AHRR: variants seen among roughly 807,000 people sequenced by gnomAD.
The protein encoded by AHRR is aryl hydrocarbon receptor repressor, also known as ahR repressor.
In AHRR, 28 loss-of-function variants were observed where a neutral mutation model predicts 44.0. The ratio of observed to expected loss-of-function variants is 0.64; its 90% confidence interval spans 0.47 to 0.87. The LOEUF is 0.87. Ranked by LOEUF, AHRR falls within the 40% of genes least tolerant of loss-of-function variation. The pLI is 0.00. For synonymous variants in AHRR, 434 were observed against 407.0 expected (o/e 1.07, Z -0.80); for missense variants, 990 against 953.9 (o/e 1.04, Z -0.50).
intron 4 of AHRR, among the ~76,000 whole-genome samples, chr5:382,434 A>G (rs1462379161): frequency 6.6e-6 from 1 of 152,200 alleles, no homozygotes; most frequent in Non-Finnish European, 1.5e-5. Context: ...AATTTGTGAT[A>G]TCAGAGTTGT....
intron 3 of AHRR, among the ~76,000 whole-genome samples, chr5:360,289 A>C (rs1325269906): frequency 6.6e-6 from 1 of 152,232 alleles, no homozygotes; most frequent in East Asian, 1.9e-4. Context: ...CCCTCACCAG[A>C]GCCAAATCAG....
chr5:340,688 ATTTTTTTTTTTTTT>A (rs539789608), intron 1 of AHRR, among the ~76,000 whole-genome samples: 1 of 12,928 alleles, frequency 7.7e-5, no homozygotes, highest in Non-Finnish European at 1.3e-4. Context: ...ATATATATAT[ATTTTTTTTTTTTTT>A]TTTTTTTTTT....
In AHRR at chr5:434,378, C is replaced by T. The variant is rs370119574; in HGVS notation, c.1638C>T (p.Asp546=). The T allele has an allele frequency of 1.9e-5, 30 of 1,613,562 alleles. 1 individual carries two copies. The highest frequency in any genetic ancestry group is 1.4e-4 in the South Asian group (13 of 91,058). ...ACTCTGGGTGTGAGGGTGCTGCAGA[C>T]GGCTGTGTGCCCAGCCAGGTGTGGC... The part of the protein sequence containing the change: ...EKDSGCEGAA[D]GCVPSQVWLG... The change falls in exon 11 of 11, where the codon GAC becomes GAT. Residue 546 remains aspartate, a synonymous_variant. Transcript: ENST00000684583.
chr5:370,636 G>T lies in AHRR; in HGVS notation c.245-5974G>T, dbSNP rs1379672421. Reference sequence around the variant, plus strand: ...GACAGGGGTGGGGTGGACAGCCCATGGGAAGGTGTGGGTGATGGGGGGACA... The same window carrying T: ...GACAGGGGTGGGGTGGACAGCCCATTGGAAGGTGTGGGTGATGGGGGGACA... On this transcript the variant is annotated intron_variant, in intron 3 of 10. Coordinates refer to ENST00000684583, the MANE Select transcript of AHRR (RefSeq NM_001377236.1). This position sits in a 1 kb window ranked among gnomAD's most constrained non-coding sequence, Gnocchi z 4.5. Among the ~76,000 whole-genome samples, 1 of 152,064 alleles carries T rather than the reference G, an allele frequency of 6.6e-6. No homozygotes were observed. The highest frequency in any genetic ancestry group is 1.5e-5 in the Non-Finnish European group (1 of 68,014).
intron 4 of AHRR, chr5:403,680 G>GAA: frequency 1.5e-6 from 1 of 665,620 alleles, no homozygotes; most frequent in Non-Finnish European, 2.4e-6. Context: ...AGTTAAAATG[G>GAA]TATTTTTTTT....
intron 5 of AHRR, chr5:418,992 G>A (rs1735951842): frequency 6.6e-6 from 1 of 152,382 alleles, no homozygotes; most frequent in African/African-American, 2.4e-5. Flanking sequence ...GGGGAGTGAG[G>A]GCTCCAGGTG....
intron 4 of AHRR, among the ~76,000 whole-genome samples, chr5:401,986 A>G (rs192440205): frequency 6.6e-6 from 1 of 152,336 alleles, no homozygotes; most frequent in Admixed American, 6.5e-5. Flanking sequence ...TTGCCCAGCA[A>G]AGGAAACCGT....
chr5:373,907 G>C (rs1274043096), intron 3 of AHRR, among the ~76,000 whole-genome samples: 6 of 150,966 alleles, frequency 4.0e-5, no homozygotes, highest in Admixed American at 3.3e-4. Context: ...GCGTGACGGC[G>C]CCGGCGGCTG....
chr5:322,824 G>A (rs973498005), intron 1 of AHRR, among the ~76,000 whole-genome samples: 3 of 152,228 alleles, frequency 2.0e-5, no homozygotes, highest in Non-Finnish European at 2.9e-5. Flanking sequence ...TGCTGACCCG[G>A]CGGACGCCGC....
chr5:341,505 C>CTCCTTTCCTT (rs1210067982), intron 1 of AHRR, among the ~76,000 whole-genome samples: 1 of 147,254 alleles, frequency 6.8e-6, no homozygotes, highest in African/African-American at 2.5e-5. Context: ...CTCCCCTCCC[C>CTCCTTTCCTT]TCCTTTCCTT....
At chr5:398,132 C>G (rs1394498037) in intron 4 of AHRR, among the ~76,000 whole-genome samples, 4 of 139,394 alleles carry the variant, frequency 2.9e-5, no homozygotes, top group Admixed American at 2.1e-4. Context: ...AGCTCCTGAC[C>G]GTCCATGTTA....
At chr5:412,368 G>T (rs1735501121) in intron 4 of AHRR, among the ~76,000 whole-genome samples, 1 of 152,158 alleles carries the variant, frequency 6.6e-6, no homozygotes, top group Non-Finnish European at 1.5e-5. Context: ...GCACTAGAGG[G>T]TCTTCAGGGT....
At chr5:397,963 CCA>C (rs2126487139) in intron 4 of AHRR, among the ~76,000 whole-genome samples, 7 of 135,834 alleles carry the variant, frequency 5.2e-5, no homozygotes, top group African/African-American at 2.0e-4. Context: ...CCCTGACCAT[CCA>C]CATAGCTCCT....
chr5:323,211 C>G (rs552768011), intron 1 of AHRR, among the ~76,000 whole-genome samples: 144 of 152,342 alleles, frequency 9.5e-4, no homozygotes, highest in African/African-American at 3.2e-3. Context: ...AGAACGCTGC[C>G]GTCAGGAGGC....
At chr5:430,801 G>A (rs754484277) in intron 8 of AHRR, among the ~76,000 whole-genome samples, 8 of 152,210 alleles carry the variant, frequency 5.3e-5, no homozygotes, top group Non-Finnish European at 1.0e-4. Flanking sequence ...TCCAGGGACG[G>A]CCAGGACACG....
chr5:326,538 A>G lies in AHRR; in HGVS notation c.-11+4719A>G, dbSNP rs1370977164. ...CATTTTTTGGCTACTGTGAATTATG[A>G]TGGGCATTTGTATGCAGGTTTCTGT... is the stretch of plus-strand genomic sequence containing the variant. On this transcript the variant is annotated intron_variant, in intron 1 of 10. Transcript: ENST00000684583. This position sits in a 1 kb window ranked among gnomAD's most constrained non-coding sequence, Gnocchi z 4.1. Among the ~76,000 whole-genome samples the G allele has an allele frequency of 1.3e-5, 2 of 152,184 alleles. No homozygotes were observed. The highest frequency in any genetic ancestry group is 2.9e-5 in the Non-Finnish European group (2 of 68,032).
At chr5:378,593 C>A (rs750828411) in intron 4 of AHRR, among the ~76,000 whole-genome samples, 1 of 152,248 alleles carries the variant, frequency 6.6e-6, no homozygotes, top group African/African-American at 2.4e-5. Context: ...CAGCCCGTGG[C>A]TTCCCCTGGT....
chr5:393,230 C>T (rs1486919746), intron 4 of AHRR, among the ~76,000 whole-genome samples: 2 of 152,188 alleles, frequency 1.3e-5, no homozygotes, highest in South Asian at 2.1e-4. Flanking sequence ...CCGGCACAGA[C>T]GCGTCCTCCG....
Position 434,473 on chromosome 5 carries a change from C to A in AHRR, c.1733C>A (p.Ser578Tyr), listed in dbSNP as rs763738084. ...ATGCACCTGAAAACAGAGCCAGACT[C>A]TCGGCAACAGGTGTACATCTCGCAC... The part of the protein sequence containing the change: ...TRMHLKTEPD[S>Y]RQQVYISHLG... Residue 578 changes from serine (S) to tyrosine (Y), a missense_variant, in exon 11 of 11, where the codon TCT becomes TAT. By Grantham distance (144) the Ser-to-Tyr change is moderately radical. Coordinates refer to ENST00000684583, the MANE Select transcript of AHRR (RefSeq NM_001377236.1). 6.2e-7 allele frequency: 1 copy of A among 1,613,464 alleles called. No individual in the cohort carries two copies. The highest frequency in any genetic ancestry group is 1.1e-5 in the South Asian group (1 of 91,088).
Sources: gnomAD v4.1 joint callset for allele counts (sites outside exome capture counted in the v4.1 genomes callset) on GRCh38, gnomAD v4.1.1 for gene constraint, Gnocchi (gnomAD v3.1) non-coding constraint, MANE v1.5 for transcripts, NCBI Gene and HGNC (gene_info 2026-07-23, HGNC 2026-07-21) for gene names.